Variants in WIPF2 observed in about 807,000 individuals in gnomAD.
The protein encoded by WIPF2 is WAS/WASL interacting protein family member 2, also known as WAS/WASL-interacting protein family member 2.
Under a neutral mutation model 38.8 loss-of-function variants are expected in WIPF2, and 23 were observed. The observed-to-expected ratio is 0.59, with a 90% confidence interval of 0.43 to 0.84. WIPF2 has a LOEUF of 0.84. WIPF2 is among the 40% of genes least tolerant of loss of function. The pLI is 0.00. For synonymous variants in WIPF2, 210 were observed against 223.2 expected (o/e 0.94, Z 0.53); for missense variants, 574 against 580.5 (o/e 0.99, Z 0.11).
chr17:40,265,141 G>C lies in WIPF2; in HGVS notation c.965G>C (p.Gly322Ala). 1.2e-6 allele frequency: 2 copies of C among 1,603,906 alleles called. No homozygotes were observed. The highest frequency in any genetic ancestry group is 1.3e-5 in the African/African-American group (1 of 74,742). Residue 322 changes from glycine to alanine, a missense_variant, in exon 5 of 8, where the codon GGA (glycine) becomes GCA (alanine). Coordinates refer to ENST00000323571, the MANE Select transcript of WIPF2 (RefSeq NM_133264.5). ...CCAGCCCGAGACCCTCCCAGTCGGGGAGCAGGTAAGTGCTTGGAAGCACCT... is the reference window on the plus strand; with the variant it reads ...CCAGCCCGAGACCCTCCCAGTCGGGCAGCAGGTAAGTGCTTGGAAGCACCT... Reference protein sequence around the residue: ...PPPARDPPSRGAAPPPPPPVI... With the variant: ...PPPARDPPSRAAAPPPPPPVI...
intron 1 of WIPF2, among the ~76,000 whole-genome samples, chr17:40,231,072 C>T (rs1231210997): frequency 6.6e-6 from 1 of 152,146 alleles, no homozygotes; most frequent in African/African-American, 2.4e-5. Context: ...GTTTTTATAA[C>T]TTAAAGTAGA....
chr17:40,279,125 T>C lies in WIPF2; in HGVS notation c.*900T>C, dbSNP rs2032491274. 6.6e-6 allele frequency: 1 copy of C among 152,276 alleles called. No homozygotes were observed. The highest frequency in any genetic ancestry group is 1.9e-4 in the East Asian group (1 of 5,204). 9.4% of individuals were successfully genotyped at this position (152,276 alleles called of 1,614,324 possible). On this transcript the variant is annotated 3_prime_UTR_variant, in exon 8 of 8. Coordinates refer to ENST00000323571, the MANE Select transcript of WIPF2 (RefSeq NM_133264.5). The stretch of plus-strand genomic sequence containing the variant: ...AAACCTCTGGTGGGAGATAGGAAGA[T>C]AGGGCGTGGGCCTGGGCCTTAACCT...
intron 1 of WIPF2, chr17:40,220,593 A>ATATATATATATATATATATATATATG (rs1246325443): frequency 1.3e-5 from 1 of 76,954 alleles, no homozygotes; most frequent in Non-Finnish European, 2.4e-5. Flanking sequence ...ATATATATAT[A>ATATATATATATATATATATATATATG]TATATATATA....
In WIPF2 at chr17:40,273,877, C is replaced by A; in HGVS notation, c.1058C>A (p.Pro353His). The A allele has an allele frequency of 6.4e-7, 1 of 1,572,982 alleles. No homozygotes were observed. The highest frequency in any genetic ancestry group is 8.7e-7 in the Non-Finnish European group (1 of 1,152,334). ...PPPYRMHGSE[P>H]PSRGKPPPPP... ...CCATACCGAATGCATGGGTCAGAAC[C>A]CCCGAGCCGAGGAAAGCCCCCACCT... Residue 353 changes from proline to histidine, a missense_variant, in exon 6 of 8, where the codon CCC becomes CAC. Coordinates refer to ENST00000323571, the MANE Select transcript of WIPF2 (RefSeq NM_133264.5).
chr17:40,264,976 G>A lies in WIPF2; in HGVS notation c.800G>A (p.Ser267Asn). ...CCTGGGGTCCCCAATGGACCCTCTA[G>A]CCCCACTAATGAGTCAGCCCCTGAG... ...QPPGVPNGPS[S>N]PTNESAPELP... Residue 267 changes from serine to asparagine, a missense_variant, in exon 5 of 8, where the codon AGC (serine) becomes AAC (asparagine). Ser to Asn is a conservative substitution (Grantham distance 46). Coordinates refer to ENST00000323571, the MANE Select transcript of WIPF2 (RefSeq NM_133264.5). 2 of 1,614,042 alleles carry A rather than the reference G, an allele frequency of 1.2e-6. No individual in the cohort carries two copies. Among genetic ancestry groups the A allele is most frequent in the African/African-American group, 1.3e-5 (1 of 75,014 alleles).
intron 7 of WIPF2, 53 bp downstream of exon 7, chr17:40,277,237 G>A (rs549645484): frequency 2.0e-6 from 3 of 1,472,152 alleles, no homozygotes; most frequent in African/African-American, 1.4e-5. Context: ...TGTAGAATCT[G>A]TGCATTTTCT....
At chr17:40,238,561 C>T (rs950734559) in intron 1 of WIPF2, among the ~76,000 whole-genome samples, 2 of 152,026 alleles carry the variant, frequency 1.3e-5, no homozygotes, top group Non-Finnish European at 2.9e-5. Flanking sequence ...CCTCGGCCTC[C>T]TAAAGTGTTG....
chr17:40,227,848 C>T (rs932630259), intron 1 of WIPF2, among the ~76,000 whole-genome samples: 14 of 149,496 alleles, frequency 9.4e-5, no homozygotes, highest in African/African-American at 3.2e-4. Context: ...GACTTTGTCT[C>T]AAAACAAAAC....
intron 1 of WIPF2, among the ~76,000 whole-genome samples, chr17:40,224,427 G>C (rs1296781114): frequency 4.6e-5 from 2 of 43,790 alleles, no homozygotes; most frequent in Non-Finnish European, 8.8e-5. Context: ...TTTTTTTTTT[G>C]TAGTAGAGAC....
intron 5 of WIPF2, among the ~76,000 whole-genome samples, chr17:40,266,681 T>C (rs1401171231): frequency 1.3e-5 from 2 of 152,120 alleles, no homozygotes; most frequent in Admixed American, 6.6e-5. Context: ...GTTGTTTTTT[T>C]CCCATCCCAA....
intron 1 of WIPF2, among the ~76,000 whole-genome samples, chr17:40,249,455 T>G (rs2031482208): frequency 6.6e-6 from 1 of 151,920 alleles, no homozygotes; most frequent in Non-Finnish European, 1.5e-5. Flanking sequence ...GGAAGCAGTT[T>G]TTTTTTTTTT....
At position 40,283,632 on chromosome 17, in the gene WIPF2, C is replaced by T. The variant is rs2032598885; in HGVS notation, c.*5407C>T. On this transcript the variant is annotated 3_prime_UTR_variant, in exon 8 of 8. Transcript: ENST00000323571. Reference sequence around the variant, plus strand: ...GGCTTCCTGGCCTTGTGACCTTTTCCTTGAATCTCTTATAATTCTTTCTAC... The same window carrying T: ...GGCTTCCTGGCCTTGTGACCTTTTCTTTGAATCTCTTATAATTCTTTCTAC... 6.6e-6 allele frequency: 1 copy of T among 152,134 alleles called. No homozygotes were observed. Among genetic ancestry groups the T allele is most frequent in the South Asian group, 2.1e-4 (1 of 4,836 alleles). The allele number at this position is 152,134 out of a possible 1,614,324, so 9.4% of individuals were successfully genotyped here. A position where few individuals can be genotyped will look rare whatever the true frequency, so the allele number is the denominator to read the frequency against.
chr17:40,239,094 C>T (rs916029359), intron 1 of WIPF2, among the ~76,000 whole-genome samples: 5 of 123,388 alleles, frequency 4.1e-5, no homozygotes, highest in African/African-American at 1.0e-4. Flanking sequence ...TTATTTGAGA[C>T]GGAGTCTCGC....
chr17:40,250,223 T>TG lies in WIPF2; in HGVS notation c.-69-6168_-69-6167insG, dbSNP rs1598482235. On this transcript the variant is annotated intron_variant, in intron 1 of 7. Coordinates refer to ENST00000323571, the MANE Select transcript of WIPF2 (RefSeq NM_133264.5). ...GTGCAAAGCGAATTTTATCATGTTTTTTTTTTTTTTTTTTTTTTTTTTTTG... is the reference window on the plus strand; with the variant it reads ...GTGCAAAGCGAATTTTATCATGTTTTGTTTTTTTTTTTTTTTTTTTTTTTTG... 1.1e-4 allele frequency among the ~76,000 whole-genome samples: 12 copies of TG among 105,220 alleles called. No individual in the cohort carries two copies. The South Asian group carries it at 2.5e-3, about 22-fold the overall frequency. 69.0% of individuals were successfully genotyped at this position (105,220 alleles called of 152,430 possible).
rs755058768 is a variant in WIPF2 at position 40,260,646 on chromosome 17, C to T, written c.175C>T (p.Arg59Trp). ...KLKKVTNIND[R>W]SAPILEKPKG... ...GAAGAAGGTGACCAACATTAATGAT[C>T]GGAGTGCTCCCATCCTCGAGAGTGA... Residue 59 changes from arginine to tryptophan, a missense_variant, in exon 3 of 8, where the codon CGG (arginine) becomes TGG (tryptophan). Coordinates refer to ENST00000323571, the MANE Select transcript of WIPF2 (RefSeq NM_133264.5). 13 of 1,613,662 alleles carry T rather than the reference C, an allele frequency of 8.1e-6. No individual in the cohort carries two copies. Among genetic ancestry groups the T allele is most frequent in the South Asian group, 2.2e-5 (2 of 91,054 alleles).
At chr17:40,231,869 G>A (rs538030097) in intron 1 of WIPF2, among the ~76,000 whole-genome samples, 4 of 150,778 alleles carry the variant, frequency 2.7e-5, no homozygotes, top group African/African-American at 7.3e-5. Flanking sequence ...AGCCTGCCTC[G>A]TAATTGTATT....
chr17:40,274,684 G>A (rs1025540759), intron 6 of WIPF2, among the ~76,000 whole-genome samples: 3 of 149,558 alleles, frequency 2.0e-5, no homozygotes, highest in African/African-American at 7.3e-5. Context: ...GCTCATGCCT[G>A]TAATCCCAGC....
chr17:40,260,563 G>C lies in WIPF2; in HGVS notation c.92G>C (p.Arg31Thr). The C allele has an allele frequency of 6.2e-7, 1 of 1,613,932 alleles. No homozygotes were observed. Among genetic ancestry groups the C allele is most frequent in the Non-Finnish European group, 8.5e-7 (1 of 1,179,994 alleles). The change falls in exon 3 of 8, where the codon AGA becomes ACA. Residue 31 changes from arginine to threonine, a missense_variant. Transcript: ENST00000323571. ...QANTEQPKLSRDEQRGRGALL... is the reference protein window; with the variant it reads ...QANTEQPKLSTDEQRGRGALL... ...AACACAGAGCAGCCCAAGCTGAGTA[G>C]AGATGAGCAGCGGGGTCGAGGCGCC...
At chr17:40,243,065 T>A (rs2031245705) in intron 1 of WIPF2, among the ~76,000 whole-genome samples, 1 of 152,220 alleles carries the variant, frequency 6.6e-6, no homozygotes. Context: ...AGGAGTAGAC[T>A]TCTCATTGAT....
Sources: allele counts gnomAD v4.1 joint callset (sites outside exome capture counted in the v4.1 genomes callset), GRCh38; gene constraint gnomAD v4.1.1; transcripts MANE v1.5; gene names NCBI Gene and HGNC (gene_info 2026-07-23, HGNC 2026-07-21).